Variants in RBFOX1 observed in about 807,000 individuals in gnomAD.
RBFOX1 encodes the protein RNA binding fox-1 homolog 1.
RBFOX1 carries 8 observed loss-of-function variants against 57.7 expected under a neutral mutation model. The observed-to-expected ratio is 0.14, with a 90% CI of 0.08 to 0.25. The LOEUF (loss-of-function observed/expected upper bound fraction) is 0.25. RBFOX1 is among the 10% of genes least tolerant of loss of function. RBFOX1 has a pLI of 1.00. For synonymous variants in RBFOX1, 326 were observed against 222.4 expected (o/e 1.47, Z -4.15); for missense variants, 611 against 548.5 (o/e 1.11, Z -1.14).
chr16:6,521,420 C>G (rs561468157), intron 2 of RBFOX1, among the ~76,000 whole-genome samples: 4 of 148,820 alleles, frequency 2.7e-5, no homozygotes, highest in Admixed American at 6.7e-5. Context: ...TTTCTTTTTT[C>G]TCTTCCTTCC....
intron 3 of RBFOX1, among the ~76,000 whole-genome samples, chr16:7,017,366 A>G (rs1300154484): frequency 6.6e-6 from 1 of 152,192 alleles, no homozygotes; most frequent in Non-Finnish European, 1.5e-5. Flanking sequence ...TGCAGTGCTA[A>G]CGGAGCTGAA....
intron 3 of RBFOX1, among the ~76,000 whole-genome samples, chr16:5,711,512 C>T (rs976748434): frequency 6.6e-6 from 1 of 152,072 alleles, no homozygotes; most frequent in Non-Finnish European, 1.5e-5. Flanking sequence ...GGGTGCGATT[C>T]AAAGCAGGAG....
chr16:7,688,655 C>G (rs1374752151), intron 14 of RBFOX1, among the ~76,000 whole-genome samples: 3 of 151,930 alleles, frequency 2.0e-5, no homozygotes, highest in Non-Finnish European at 2.9e-5. Flanking sequence ...ATGCGGCAAT[C>G]CACAGGACTA....
intron 3 of RBFOX1, among the ~76,000 whole-genome samples, chr16:7,008,582 G>T (rs1340032433): frequency 6.6e-6 from 1 of 151,126 alleles, no homozygotes; most frequent in Non-Finnish European, 1.5e-5. Flanking sequence ...AATAATTCAA[G>T]AAATTCAAGG....
At chr16:5,438,304 C>T (rs1044823343) in intron 1 of RBFOX1, among the ~76,000 whole-genome samples, 1 of 152,160 alleles carries the variant, frequency 6.6e-6, no homozygotes, top group Non-Finnish European at 1.5e-5. Context: ...GCAGTCAAGT[C>T]ACAGGTAGGA....
rs186326813 is a variant in RBFOX1 at position 7,028,340 on chromosome 16, C to T, written c.-15-23717C>T. On this transcript the variant is annotated intron_variant, in intron 3 of 15. Transcript: ENST00000550418. Reference sequence around the variant, plus strand: ...CTTCTGTGAAATTGCTCTGCCTGGGCTCAGGGCTGGAGTTAGATGGGATGG... The same window carrying T: ...CTTCTGTGAAATTGCTCTGCCTGGGTTCAGGGCTGGAGTTAGATGGGATGG... 4.4e-3 allele frequency among the ~76,000 whole-genome samples: 663 copies of T among 152,152 alleles called. 6 individuals carry two copies. The highest frequency in any genetic ancestry group is 0.015 in the African/African-American group (624 of 41,530).
rs151204603 is a variant in RBFOX1 at position 6,530,439 on chromosome 16, C to T, written c.-63-124164C>T. Reference sequence around the variant, plus strand: ...ACAGTGGGCTGTAGCAACATTGTTGCTATTTGTCTGGTTTCTTTGTTGTAA... The same window carrying T: ...ACAGTGGGCTGTAGCAACATTGTTGTTATTTGTCTGGTTTCTTTGTTGTAA... On this transcript the variant is annotated intron_variant, in intron 2 of 15. Coordinates refer to ENST00000550418, the MANE Select transcript of RBFOX1 (RefSeq NM_018723.4). Among the ~76,000 whole-genome samples the T allele has an allele frequency of 3.0e-3, 453 of 152,232 alleles. 12 individuals carry two copies. The East Asian group carries it at 0.033, about 11-fold the overall frequency.
intron 4 of RBFOX1, among the ~76,000 whole-genome samples, chr16:5,981,993 G>T (rs35448905): frequency 0.27 from 40,393 of 152,048 alleles, 5,656 homozygotes; most frequent in South Asian, 0.32. Flanking sequence ...TTATCTAAAG[G>T]GTGTTTCTGT....
chr16:6,989,019 T>C (rs1251832803), intron 3 of RBFOX1, among the ~76,000 whole-genome samples: 4 of 152,200 alleles, frequency 2.6e-5, no homozygotes, highest in Admixed American at 6.5e-5. Context: ...CCCCTCGGAC[T>C]CCCAAAGTGC....
intron 4 of RBFOX1, among the ~76,000 whole-genome samples, chr16:5,917,432 C>T (rs576140240): frequency 6.6e-6 from 1 of 152,310 alleles, no homozygotes; most frequent in East Asian, 1.9e-4. Flanking sequence ...TTTATAAAAA[C>T]AGAGAGGTTG....
chr16:6,389,796 G>T (rs9937294), intron 2 of RBFOX1, among the ~76,000 whole-genome samples: 2,310 of 152,288 alleles, frequency 0.015, 62 homozygotes, highest in African/African-American at 0.052. Flanking sequence ...GTACCCAGGA[G>T]AAATCAAGCT....
chr16:6,053,129 C>G (rs2095573571), intron 1 of RBFOX1, among the ~76,000 whole-genome samples: 1 of 152,124 alleles, frequency 6.6e-6, no homozygotes, highest in African/African-American at 2.4e-5. Flanking sequence ...TGAGCGGTAC[C>G]TTACACACAG....
intron 3 of RBFOX1, among the ~76,000 whole-genome samples, chr16:5,771,230 C>T (rs981514137): frequency 1.2e-4 from 18 of 152,196 alleles, no homozygotes; most frequent in Non-Finnish European, 1.3e-4. Flanking sequence ...TCGCTAGGTG[C>T]GACCTAGGTT....
At chr16:6,284,044 G>T (rs1005698707) in intron 1 of RBFOX1, among the ~76,000 whole-genome samples, 2 of 152,190 alleles carry the variant, frequency 1.3e-5, no homozygotes, top group African/African-American at 2.4e-5. Flanking sequence ...GGCTTTGCCT[G>T]TGTAGCTTGT....
At chr16:7,559,243 G>T (rs561972601) in intron 5 of RBFOX1, among the ~76,000 whole-genome samples, 1 of 152,300 alleles carries the variant, frequency 6.6e-6, no homozygotes, top group South Asian at 2.1e-4. Flanking sequence ...CTCTCCATCA[G>T]AATGTTATAT....
chr16:7,710,212 A>T (rs1311686047), intron 15 of RBFOX1: 4 of 1,036,908 alleles, frequency 3.9e-6, no homozygotes, highest in Non-Finnish European at 4.6e-6. Flanking sequence ...TTTTCATCCC[A>T]ATTCTGCATT....
intron 3 of RBFOX1, among the ~76,000 whole-genome samples, chr16:6,901,633 T>G (rs776570108): frequency 1.3e-5 from 2 of 152,326 alleles, no homozygotes; most frequent in South Asian, 4.1e-4. Flanking sequence ...AAAATCTGTT[T>G]CTGGTAACCT....
chr16:5,410,757 A>G (rs1029192517), intron 1 of RBFOX1, among the ~76,000 whole-genome samples: 10 of 148,610 alleles, frequency 6.7e-5, no homozygotes, highest in Non-Finnish European at 1.2e-4. Context: ...CCTCCTGTTT[A>G]CAATGCCCTG....
chr16:6,706,758 C>G (rs766480048), intron 3 of RBFOX1, among the ~76,000 whole-genome samples: 5 of 145,572 alleles, frequency 3.4e-5, no homozygotes, highest in Non-Finnish European at 7.4e-5. Context: ...TCCAATCTTA[C>G]AAGACATACG....
Sources: gnomAD v4.1 joint callset for allele counts (sites outside exome capture counted in the v4.1 genomes callset) on GRCh38, gnomAD v4.1.1 for gene constraint, MANE v1.5 for transcripts, NCBI Gene and HGNC (gene_info 2026-07-23, HGNC 2026-07-21) for gene names.